Variants in CELSR3 observed in about 807,000 individuals in gnomAD.
CELSR3 encodes the protein EGF-like protein 1.
CELSR3 carries 73 observed loss-of-function variants against 270.0 expected under a neutral mutation model. The ratio of observed to expected loss-of-function variants is 0.27; its 90% CI spans 0.22 to 0.33. The LOEUF is 0.33. Among genes scored for constraint, CELSR3 ranks in the 10% least tolerant of loss-of-function variants. The pLI, the probability that CELSR3 is intolerant of heterozygous loss-of-function variation, is 1.00. For synonymous variants in CELSR3, 1,780 were observed against 1,905.4 expected (o/e 0.93, Z 1.71); for missense variants, 3,614 against 4,533.8 (o/e 0.80, Z 5.83).
In CELSR3 at chr3:48,660,916, G is replaced by A; in HGVS notation, c.1719C>T (p.Asp573=). 1 of 1,613,936 alleles carries A rather than the reference G, an allele frequency of 6.2e-7. No individual in the cohort carries two copies. Among genetic ancestry groups the A allele is most frequent in the Non-Finnish European group, 8.5e-7 (1 of 1,180,044 alleles). ...AGTGCACCAATCCGTTGGCGTCCTTGTCCCGGTCAGTGGCCGTGACGCGCA... is the reference window on the plus strand; with the variant it reads ...AGTGCACCAATCCGTTGGCGTCCTTATCCCGGTCAGTGGCCGTGACGCGCA... The part of the protein sequence containing the change: ...VVLRVTATDR[D]KDANGLVHYN... The change falls in exon 1 of 35, where the codon GAC becomes GAT. Residue 573 remains aspartate (D), a synonymous_variant. Transcript: ENST00000164024. This position sits in a 1 kb window ranked among gnomAD's most constrained non-coding sequence, Gnocchi z 5.5.
chr3:48,638,317 G>A, intron 34 of CELSR3, 85 bp from the exon 35 acceptor site: 1 of 1,000,002 alleles, frequency 1.0e-6, no homozygotes. Flanking sequence ...CATTTGGCCT[G>A]GCTGCTTCCC....
In CELSR3 at chr3:48,660,406, G is replaced by A. The variant is rs752430930; in HGVS notation, c.2229C>T (p.Thr743=). ...SPPLSASASV[T]VTVLDVNDNR... is the part of the protein sequence containing the mutation. Reference sequence around the variant, plus strand: ...TGTCATTAACGTCCAGCACAGTCACGGTGACACTGGCTGAGGCAGAGAGTG... The same window carrying A: ...TGTCATTAACGTCCAGCACAGTCACAGTGACACTGGCTGAGGCAGAGAGTG... The change falls in exon 1 of 35, where the codon ACC becomes ACT. Residue 743 remains threonine, a synonymous_variant. Coordinates refer to ENST00000164024, the MANE Select transcript of CELSR3 (RefSeq NM_001407.3). This position sits in a 1 kb window ranked among gnomAD's most constrained non-coding sequence, Gnocchi z 5.5. The A allele has an allele frequency of 7.4e-6, 12 of 1,614,078 alleles. No individual in the cohort carries two copies. The highest frequency in any genetic ancestry group is 1.6e-4 in the Middle Eastern group (1 of 6,062).
rs369691396 is a variant in CELSR3, at chr3:48,649,187, G to T, written c.6501C>A (p.Ala2167=). Residue 2167 remains alanine, a synonymous_variant, in exon 17 of 35, where the codon GCC becomes GCA. Coordinates refer to ENST00000164024, the MANE Select transcript of CELSR3 (RefSeq NM_001407.3). ...AGAGGTCGGGCTCCAGCCAACCCTG[G>T]GCCTCATCACACAGCCGCACAGCAG... ...LGAAVRLCDE[A]QGWLEPDLFN... 2 of 1,611,648 alleles carry T rather than the reference G, an allele frequency of 1.2e-6. No homozygotes were observed. Among genetic ancestry groups the T allele is most frequent in the African/African-American group, 2.7e-5 (2 of 74,982 alleles).
intron 28 of CELSR3, 107 bp downstream of exon 28, chr3:48,643,447 T>C: frequency 1.4e-6 from 2 of 1,419,786 alleles, no homozygotes; most frequent in East Asian, 2.5e-5. Context: ...GGCAAAGTTA[T>C]CCAGTAAGAG....
rs952323548 is a variant in CELSR3, at chr3:48,648,926, C to G, written c.6570G>C (p.Leu2190=). 1.9e-6 allele frequency: 3 copies of G among 1,612,612 alleles called. No individual in the cohort carries two copies. The African/African-American group carries it at 4.0e-5, about 22-fold the overall frequency. The change falls in exon 18 of 35, where the codon CTG becomes CTC. Residue 2190 remains leucine (L), a splice_region_variant and synonymous_variant. Coordinates refer to ENST00000164024, the MANE Select transcript of CELSR3 (RefSeq NM_001407.3). ...CCGTCTTGTTCAGCTCTAGGCCATC[C>G]AGCTGCCAAGACAAGGAGATGGTTG... The part of the protein sequence containing the change: ...SPAFRELSLL[L]DGLELNKTAL...
rs2106707622 is a variant in CELSR3 at position 48,648,249 on chromosome 3, C to CCCCCCCCCAAA, written c.6973+16_6973+17insTTTGGGGGGGG. 78 of 727,972 alleles carry CCCCCCCCCAAA rather than the reference C, an allele frequency of 1.1e-4. No individual in the cohort carries two copies. The highest frequency in any genetic ancestry group is 1.6e-4 in the Non-Finnish European group (69 of 433,436). 45.1% of individuals were successfully genotyped at this position (727,972 alleles called of 1,614,324 possible). Reference sequence around the variant, plus strand: ...GGCCCCCCTGCTGTGCCCCGCCCTACCCCACCCACAACGCACTGATATTAG... The same window carrying CCCCCCCCCAAA: ...GGCCCCCCTGCTGTGCCCCGCCCTACCCCCCCCCAAACCCACCCACAACGCACTGATATTAG... On this transcript the variant is annotated intron_variant, in intron 19 of 34. Coordinates refer to ENST00000164024, the MANE Select transcript of CELSR3 (RefSeq NM_001407.3).
rs2047064562 is a variant in CELSR3, at chr3:48,644,855, G to C, written c.7973-27C>G. The C allele has an allele frequency of 1.9e-6, 3 of 1,597,608 alleles. No individual in the cohort carries two copies. Among genetic ancestry groups the C allele is most frequent in the Non-Finnish European group, 2.6e-6 (3 of 1,167,454 alleles). The stretch of plus-strand genomic sequence containing the variant: ...TTGGGAAGAGAAAGGGTAGGACTGA[G>C]GGTGTGTGTTCCAGAGCTGCTGACC... On this transcript the variant is annotated intron_variant, in intron 25 of 34. Transcript: ENST00000164024. The surrounding 1 kb of genome is among the most constrained non-coding windows in gnomAD (Gnocchi z 4.8).
At position 48,651,122 on chromosome 3, in the gene CELSR3, G is replaced by A. The variant is rs147900410; in HGVS notation, c.6187-47C>T. The A allele has an allele frequency of 2.6e-6, 4 of 1,518,456 alleles. No homozygotes were observed. The African/African-American group carries it at 4.2e-5, about 16-fold the overall frequency. The allele number at this position is 1,518,456 out of a possible 1,614,324, so 94.1% of individuals were successfully genotyped here. A position where few individuals can be genotyped will look rare whatever the true frequency, so the allele number is the denominator to read the frequency against. On this transcript the variant is annotated intron_variant, in intron 14 of 34. Transcript: ENST00000164024. This position sits in a 1 kb window ranked among gnomAD's most constrained non-coding sequence, Gnocchi z 7.4. The stretch of plus-strand genomic sequence containing the variant: ...GCCTGAAGTCAGAGGTCAGGGCTTG[G>A]GGAATGAGTGGAATCAAGGATAAAG...
chr3:48,650,511 C>T lies in CELSR3; in HGVS notation c.6441G>A (p.Leu2147=). The change falls in exon 16 of 35, where the codon CTG becomes CTA. Residue 2147 remains leucine (L), a synonymous_variant. Coordinates refer to ENST00000164024, the MANE Select transcript of CELSR3 (RefSeq NM_001407.3). The surrounding 1 kb of genome is among the most constrained non-coding windows in gnomAD (Gnocchi z 5.1). ...VWWPQTKFGV[L]ATVPCPRGAL... ...CCCCCCGGGGACAGGGCACTGTGGC[C>T]AGGACGCCAAACTTTGTCTGGGGCC... The T allele has an allele frequency of 6.2e-7, 1 of 1,608,054 alleles. No individual in the cohort carries two copies. The highest frequency in any genetic ancestry group is 1.7e-5 in the Admixed American group (1 of 59,204).
rs1241047144 is a variant in CELSR3, at chr3:48,654,832, G to A, written c.4988+212C>T. ...TGGAGGCTTTGGAGGACTGCCTGGG[G>A]ACTGTGTGTGGGAGGAGGGAGTATG... On this transcript the variant is annotated intron_variant, in intron 6 of 34. Coordinates refer to ENST00000164024, the MANE Select transcript of CELSR3 (RefSeq NM_001407.3). The surrounding 1 kb of genome is among the most constrained non-coding windows in gnomAD (Gnocchi z 5.4). Among the ~76,000 whole-genome samples, 2 of 151,854 alleles carry A rather than the reference G, an allele frequency of 1.3e-5. No homozygotes were observed. The highest frequency in any genetic ancestry group is 4.8e-5 in the African/African-American group (2 of 41,296).
In CELSR3 at chr3:48,659,374, G is replaced by T; in HGVS notation, c.3261C>A (p.Ala1087=). 1 of 1,614,126 alleles carries T rather than the reference G, an allele frequency of 6.2e-7. No homozygotes were observed. Among genetic ancestry groups the T allele is most frequent in the Non-Finnish European group, 8.5e-7 (1 of 1,180,030 alleles). The change falls in exon 1 of 35, where the codon GCC becomes GCA. Residue 1087 remains alanine (A), a synonymous_variant. Transcript: ENST00000164024. This position sits in a 1 kb window ranked among gnomAD's most constrained non-coding sequence, Gnocchi z 8.1. ...KENSIVGSVV[A]QITAVDPDEG... ...CGTCAGGGTCCACTGCAGTGATCTG[G>T]GCCACCACTGAGCCCACAATGCTAT...
rs757677320 is a variant in CELSR3, at chr3:48,656,877, G to A, written c.4220C>T (p.Ser1407Phe). The A allele has an allele frequency of 8.1e-6, 13 of 1,609,408 alleles. No individual in the cohort carries two copies. The Admixed American group carries it at 2.2e-4, about 27-fold the overall frequency. Residue 1407 changes from serine (S) to phenylalanine (F), a missense_variant, in exon 2 of 35, where the codon TCC (serine) becomes TTC (phenylalanine). Around this residue, in one of 7 missense-constraint regions of CELSR3, gnomAD observed 1,331 missense variants for 1,933.7 expected, o/e 0.69. Coordinates refer to ENST00000164024, the MANE Select transcript of CELSR3 (RefSeq NM_001407.3). ...DSSAPFLASA[S>F]TLFRPIQPIA... is the part of the protein sequence containing the mutation. ...GGGCTGGATGGGTCGGAACAGCGTG[G>A]AGGCCGAGGCCAGGAAGGGCGCGGA...
chr3:48,661,790 A>C lies in CELSR3; in HGVS notation c.845T>G (p.Phe282Cys). ...GCGCTGCGGGAGGAAGCGGCAGCGG[A>C]AGAGACCCCGGGAGCGCATGCGCTT... ...APKRMRSRGL[F>C]RCRFLPQRPG... Residue 282 changes from phenylalanine (F) to cysteine (C), a missense_variant, in exon 1 of 35, where the codon TTC becomes TGC. Physicochemically the swap from Phe to Cys is radical, Grantham distance 205. This residue lies in a region of CELSR3 where 470 missense variants were observed against 469.7 expected (regional missense o/e 1.00). Transcript: ENST00000164024. 3 of 1,606,170 alleles carry C rather than the reference A, an allele frequency of 1.9e-6. No homozygotes were observed. The highest frequency in any genetic ancestry group is 2.5e-6 in the Non-Finnish European group (3 of 1,177,914).
In CELSR3 at chr3:48,662,101, C is replaced by T. The variant is rs1186853000; in HGVS notation, c.534G>A (p.Arg178=). 1 of 1,613,712 alleles carries T rather than the reference C, an allele frequency of 6.2e-7. No individual in the cohort carries two copies. Among genetic ancestry groups the T allele is most frequent in the Non-Finnish European group, 8.5e-7 (1 of 1,179,976 alleles). The change falls in exon 1 of 35, where the codon CGG becomes CGA. Residue 178 remains arginine (R), a synonymous_variant. Transcript: ENST00000164024. The surrounding 1 kb of genome is among the most constrained non-coding windows in gnomAD (Gnocchi z 7.1). ...AGGACACCGGCTTGGGACCGTGGTG[C>T]CGAATCAAAAAGTCTGAAGGGAGGG... ...SSPLPSDFLI[R]HHGPKPVSSQ...
Position 48,644,962 on chromosome 3 carries a change from C to A in CELSR3, c.7972+73G>T. The A allele has an allele frequency of 2.6e-6, 4 of 1,542,544 alleles. No individual in the cohort carries two copies. On this transcript the variant is annotated intron_variant, in intron 25 of 34. Coordinates refer to ENST00000164024, the MANE Select transcript of CELSR3 (RefSeq NM_001407.3). The surrounding 1 kb of genome is among the most constrained non-coding windows in gnomAD (Gnocchi z 4.8). ...TGGCTTGGGGTTTGAGGTTGGGGGT[C>A]ATGAGCAGGAGTGGGGACAGGGTCA...
Position 48,661,210 on chromosome 3 carries a change from C to A in CELSR3, c.1425G>T (p.Pro475=). ...NANLRYRFVG[P]PAARAAAAAA... is the part of the protein sequence containing the mutation. Reference sequence around the variant, plus strand: ...CGGCAGCTGCAGCGCGCGCAGCTGGCGGCCCCACGAAGCGGTAGCGCAGGT... The same window carrying A: ...CGGCAGCTGCAGCGCGCGCAGCTGGAGGCCCCACGAAGCGGTAGCGCAGGT... Residue 475 remains proline, a synonymous_variant, in exon 1 of 35, where the codon CCG becomes CCT. Coordinates refer to ENST00000164024, the MANE Select transcript of CELSR3 (RefSeq NM_001407.3). 2 of 1,600,030 alleles carry A rather than the reference C, an allele frequency of 1.2e-6. No homozygotes were observed. The highest frequency in any genetic ancestry group is 2.3e-5 in the East Asian group (1 of 44,120).
At position 48,646,867 on chromosome 3, in the gene CELSR3, G is replaced by A. The variant is rs773115748; in HGVS notation, c.7191C>T (p.Ala2397=). The change falls in exon 21 of 35, where the codon GCC becomes GCT. Residue 2397 remains alanine (A), a synonymous_variant. Coordinates refer to ENST00000164024, the MANE Select transcript of CELSR3 (RefSeq NM_001407.3). This position sits in a 1 kb window ranked among gnomAD's most constrained non-coding sequence, Gnocchi z 4.8. Reference sequence around the variant, plus strand: ...AGATCCCAGGCTCTGGCTCTGGCGGGGCTGGTGGGGGGACCACACTTGAGG... The same window carrying A: ...AGATCCCAGGCTCTGGCTCTGGCGGAGCTGGTGGGGGGACCACACTTGAGG... ...STTSSVVPPP[A]PPEPEPGISI... The A allele has an allele frequency of 2.5e-6, 4 of 1,591,466 alleles. No homozygotes were observed. The Admixed American group carries it at 7.3e-5, about 29-fold the overall frequency.
At position 48,652,560 on chromosome 3, in the gene CELSR3, G is replaced by A. The variant is rs756197108; in HGVS notation, c.5635-7C>T. 6.2e-7 allele frequency: 1 copy of A among 1,601,174 alleles called. No individual in the cohort carries two copies. Among genetic ancestry groups the A allele is most frequent in the South Asian group, 1.1e-5 (1 of 89,836 alleles). On this transcript the variant is annotated splice_polypyrimidine_tract_variant and splice_region_variant and intron_variant, in intron 10 of 34. Coordinates refer to ENST00000164024, the MANE Select transcript of CELSR3 (RefSeq NM_001407.3). This position sits in a 1 kb window ranked among gnomAD's most constrained non-coding sequence, Gnocchi z 4.3. ...TCCCCACCGCCATGGTGTCCTGGAG[G>A]AAGTGGGGCAGTCAGCACTGAGGGA...
In CELSR3 at chr3:48,644,323, C is replaced by CG; in HGVS notation, c.8086-29dup. 1 of 1,600,538 alleles carries CG rather than the reference C, an allele frequency of 6.2e-7. No homozygotes were observed. ...GGACCCACGGCCAGACATGTGGGGC[C>CG]GGGCAGGGCAGAGAGAGAGAGAGAG... On this transcript the variant is annotated intron_variant, in intron 26 of 34. Coordinates refer to ENST00000164024, the MANE Select transcript of CELSR3 (RefSeq NM_001407.3). This position sits in a 1 kb window ranked among gnomAD's most constrained non-coding sequence, Gnocchi z 4.8.
Sources: gnomAD v4.1 joint callset for allele counts (sites outside exome capture counted in the v4.1 genomes callset) on GRCh38, gnomAD v4.1.1 for gene constraint, gnomAD v4.1.1 regional missense constraint, Gnocchi (gnomAD v3.1) non-coding constraint, MANE v1.5 for transcripts, NCBI Gene and HGNC (gene_info 2026-07-23, HGNC 2026-07-21) for gene names.